CCDC38: variants seen among roughly 807,000 people sequenced by gnomAD.
CCDC38 encodes the protein coiled-coil domain containing 38.
Under a neutral mutation model 72.8 loss-of-function variants are expected in CCDC38, and 69 were observed. That is an observed-to-expected ratio of 0.95 (90% CI 0.78 to 1.16). The LOEUF (loss-of-function observed/expected upper bound fraction) is 1.16, where lower values mean the gene tolerates loss of function less well. CCDC38 is among the 50% of genes most tolerant of loss of function. The pLI is 0.00. For synonymous variants in CCDC38, 201 were observed against 213.2 expected, an observed-to-expected ratio of 0.94 and a Z score of 0.50; for missense variants, 626 against 638.9, an observed-to-expected ratio of 0.98 and a Z score of 0.22.
chr12:95,938,387 T>C (rs900213099), intron 1 of CCDC38, among the ~76,000 whole-genome samples: 13 of 152,184 alleles, frequency 8.5e-5, no homozygotes, highest in Non-Finnish European at 1.9e-4. Context: ...TTGTCACATT[T>C]TCACTCCTTT....
At chr12:95,919,689 A>G in intron 2 of CCDC38, 2 of 452,436 alleles carry the variant, frequency 4.4e-6, no homozygotes, top group Non-Finnish European at 8.9e-6. Flanking sequence ...AAATTTTGAG[A>G]TATTAATATG....
At chr12:95,894,107 T>C (rs868649681) in intron 8 of CCDC38, among the ~76,000 whole-genome samples, 2 of 152,222 alleles carry the variant, frequency 1.3e-5, no homozygotes, top group Middle Eastern at 3.4e-3. Flanking sequence ...TAGTCCCAGC[T>C]ACTCAGGAGG....
At chr12:95,914,324 A>AAAAAC (rs1323666186) in intron 4 of CCDC38, among the ~76,000 whole-genome samples, 38 of 152,222 alleles carry the variant, frequency 2.5e-4, no homozygotes, top group Admixed American at 4.6e-4. Context: ...ACTCCGTCTC[A>AAAAAC]AAAACAAAAC....
intron 2 of CCDC38, chr12:95,919,437 A>G (rs2080179986): frequency 2.3e-6 from 1 of 436,928 alleles, no homozygotes; most frequent in African/African-American, 2.0e-5. Flanking sequence ...AATTTTGTCT[A>G]CCTATTAAGT....
chr12:95,903,688 T>C (rs1341962842), intron 5 of CCDC38: 13 of 417,652 alleles, frequency 3.1e-5, no homozygotes, highest in Non-Finnish European at 3.8e-5. Context: ...GTGTATTACA[T>C]TGATTTATTT....
chr12:95,903,157 T>C (rs892796924), intron 5 of CCDC38, among the ~76,000 whole-genome samples: 5 of 152,178 alleles, frequency 3.3e-5, no homozygotes, highest in African/African-American at 1.2e-4. Context: ...TTTGATGCTG[T>C]TGGACATGGC....
intron 2 of CCDC38, among the ~76,000 whole-genome samples, chr12:95,927,548 G>A (rs4762253): frequency 0.53 from 79,623 of 151,432 alleles, 21,602 homozygotes; most frequent in East Asian, 0.92. Flanking sequence ...ATTTGAGGTT[G>A]ATATTGTTAT....
intron 13 of CCDC38, among the ~76,000 whole-genome samples, chr12:95,875,789 C>A (rs1010357017): frequency 4.6e-5 from 7 of 152,152 alleles, no homozygotes; most frequent in African/African-American, 1.7e-4. Context: ...CACTTGTGAT[C>A]AAAATTTCAT....
chr12:95,920,894 C>T (rs12811909), intron 2 of CCDC38, among the ~76,000 whole-genome samples: 64,088 of 141,556 alleles, frequency 0.45, 13,841 homozygotes, highest in East Asian at 0.61. Flanking sequence ...TTTCGGAGGC[C>T]GAGGTGGGTG....
chr12:95,926,744 T>G (rs1322986640), intron 2 of CCDC38, among the ~76,000 whole-genome samples: 9 of 151,790 alleles, frequency 5.9e-5, no homozygotes, highest in Admixed American at 5.9e-4. Flanking sequence ...ATGTTGTGTC[T>G]TTGTTCTCGT....
At chr12:95,903,473 G>C (rs1187504652) in intron 5 of CCDC38, 1 of 700,242 alleles carries the variant, frequency 1.4e-6, no homozygotes, top group Admixed American at 2.0e-5. Context: ...CCTAATCTTA[G>C]GGGGAAAGCA....
chr12:95,936,616 T>G, intron 1 of CCDC38, 93 bp from the exon 2 acceptor site: 1 of 943,992 alleles, frequency 1.1e-6, no homozygotes, highest in South Asian at 1.6e-5. Flanking sequence ...TTAACAGTCC[T>G]TATGGCTTTT....
intron 2 of CCDC38, among the ~76,000 whole-genome samples, chr12:95,923,468 C>T (rs1399889752): frequency 6.6e-6 from 1 of 152,072 alleles, no homozygotes; most frequent in Non-Finnish European, 1.5e-5. Context: ...ACCTCTTCCC[C>T]AATCAGCCTT....
intron 2 of CCDC38, among the ~76,000 whole-genome samples, 190 bp downstream of exon 2, chr12:95,936,283 T>C (rs886768793): frequency 6.6e-6 from 1 of 152,086 alleles, no homozygotes; most frequent in Non-Finnish European, 1.5e-5. Context: ...GACAATTTAA[T>C]GCACCCTCTG....
intron 15 of CCDC38, among the ~76,000 whole-genome samples, chr12:95,868,748 T>C (rs145293406): frequency 1.3e-5 from 2 of 151,456 alleles, no homozygotes; most frequent in Non-Finnish European, 3.0e-5. Flanking sequence ...ACAAACTCCT[T>C]ACCCTGTGTA....
intron 13 of CCDC38, among the ~76,000 whole-genome samples, chr12:95,875,891 G>A (rs988697012): frequency 2.0e-5 from 3 of 152,082 alleles, no homozygotes; most frequent in South Asian, 4.1e-4. Flanking sequence ...CAAAAATGCC[G>A]CTTTTATTTT....
At position 95,883,774 on chromosome 12, in the gene CCDC38, T is replaced by C. The variant is rs145419035; in HGVS notation, c.921-2220A>G. 2.0e-4 allele frequency among the ~76,000 whole-genome samples: 30 copies of C among 152,346 alleles called. No individual in the cohort carries two copies. In the East Asian group the frequency reaches 5.2e-3, roughly 26 times the overall value. ...TATTGTTGGGGCACTCAATAAGTATTTGTTGAATGAATGGATGAGACTAGG... is the reference window on the plus strand; with the variant it reads ...TATTGTTGGGGCACTCAATAAGTATCTGTTGAATGAATGGATGAGACTAGG... On this transcript the variant is annotated intron_variant, in intron 10 of 15. Transcript: ENST00000344280.
intron 4 of CCDC38, among the ~76,000 whole-genome samples, chr12:95,907,886 G>A (rs545676670): frequency 5.9e-5 from 9 of 151,460 alleles, no homozygotes; most frequent in Admixed American, 4.6e-4. Flanking sequence ...ATGGGATGGC[G>A]GCCGGGAAGA....
chr12:95,921,090 T>G (rs533753945), intron 2 of CCDC38, among the ~76,000 whole-genome samples: 395 of 150,362 alleles, frequency 2.6e-3, no homozygotes, highest in South Asian at 0.014. Flanking sequence ...ATCATGCCAT[T>G]GCACTCCAGC....
Sources: gnomAD v4.1 joint callset for allele counts (sites outside exome capture counted in the v4.1 genomes callset) on GRCh38, gnomAD v4.1.1 for gene constraint, MANE v1.5 for transcripts, NCBI Gene and HGNC (gene_info 2026-07-23, HGNC 2026-07-21) for gene names.